Variants in MEST observed in about 807,000 individuals in gnomAD.
The protein encoded by MEST is mesoderm-specific transcript homolog protein.
In MEST, 18 loss-of-function variants were observed where a neutral mutation model predicts 50.9. The ratio of observed to expected loss-of-function variants is 0.35; its 90% confidence interval spans 0.24 to 0.52. The LOEUF is 0.52. MEST is among the 20% of genes least tolerant of loss of function. The pLI, the probability that MEST is intolerant of heterozygous loss-of-function variation, is 0.94. For missense variants in MEST, 282 were observed against 425.3 expected (o/e 0.66, Z 2.96); for synonymous variants, 130 against 154.1 (o/e 0.84, Z 1.16).
At position 130,497,447 on chromosome 7, in the gene MEST, C is replaced by T. The variant is rs570708220; in HGVS notation, c.261+212C>T. ...TGGCACAAGCCTGTAATCCCAGCTA[C>T]TTGGGAGGCTGAGGCAGGAGAATCG... is the stretch of plus-strand genomic sequence containing the variant. On this transcript the variant is annotated intron_variant, in intron 3 of 11. Transcript: ENST00000223215. The surrounding 1 kb of genome is among the most constrained non-coding windows in gnomAD (Gnocchi z 4.0). The T allele has an allele frequency of 2.5e-4, 84 of 337,392 alleles. No homozygotes were observed. In the East Asian group the frequency reaches 4.1e-3, roughly 16 times the overall value. 20.9% of individuals were successfully genotyped at this position (337,392 alleles called of 1,614,324 possible). A position where few individuals can be genotyped will look rare whatever the true frequency, so the allele number is the denominator to read the frequency against.
chr7:130,494,222 T>C (rs1386006992), intron 1 of MEST, among the ~76,000 whole-genome samples: 1 of 152,124 alleles, frequency 6.6e-6, no homozygotes, highest in Non-Finnish European at 1.5e-5. Flanking sequence ...TTACAGGCAA[T>C]AGGGAAGAAT....
At position 130,492,207 on chromosome 7, in the gene MEST, T is replaced by TGGGCTGC. The variant is rs1288372840; in HGVS notation, c.-98_-92dup. 3.0e-4 allele frequency: 294 copies of TGGGCTGC among 990,482 alleles called. No homozygotes were observed. The highest frequency in any genetic ancestry group is 6.4e-4 in the South Asian group (13 of 20,420). 61.4% of individuals were successfully genotyped at this position (990,482 alleles called of 1,614,324 possible). Reference sequence around the variant, plus strand: ...GCGCGGCGCCGCCCTGCGCGGGCTGTGGGCTGCGGGCTGCGCCCCCGCTGC... The same window carrying TGGGCTGC: ...GCGCGGCGCCGCCCTGCGCGGGCTGTGGGCTGCGGGCTGCGGGCTGCGCCCCCGCTGC... On this transcript the variant is annotated 5_prime_UTR_variant, in exon 1 of 12. Transcript: ENST00000223215. This position sits in a 1 kb window ranked among gnomAD's most constrained non-coding sequence, Gnocchi z 7.6.
chr7:130,495,424 A>T lies in MEST; in HGVS notation c.83A>T (p.Tyr28Phe), dbSNP rs782126880. The T allele has an allele frequency of 6.2e-7, 1 of 1,613,818 alleles. No individual in the cohort carries two copies. Among genetic ancestry groups the T allele is most frequent in the Non-Finnish European group, 8.5e-7 (1 of 1,179,908 alleles). Residue 28 changes from tyrosine (Y) to phenylalanine (F), a missense_variant, in exon 2 of 12, where the codon TAC becomes TTC. Physicochemically the swap from Tyr to Phe is conservative, Grantham distance 22. Coordinates refer to ENST00000223215, the MANE Select transcript of MEST (RefSeq NM_002402.4). Reference sequence around the variant, plus strand: ...CTGGCCGTGCCCCTGCTTGCTGCGTACCTGCACATCCCACCCCCTCAGCTC... The same window carrying T: ...CTGGCCGTGCCCCTGCTTGCTGCGTTCCTGCACATCCCACCCCCTCAGCTC... ...GLLAVPLLAA[Y>F]LHIPPPQLSP... is the part of the protein sequence containing the mutation.
intron 4 of MEST, 60 bp from the exon 5 acceptor site, chr7:130,498,079 C>T (rs888155589): frequency 1.2e-6 from 2 of 1,613,854 alleles, no homozygotes; most frequent in Admixed American, 3.3e-5. Context: ...GAGGGTCAGG[C>T]TGGCAGAGAG....
In MEST at chr7:130,504,933, C is replaced by A. The variant is rs1563028702; in HGVS notation, c.891-6C>A. On this transcript the variant is annotated splice_region_variant and splice_polypyrimidine_tract_variant and intron_variant, in intron 11 of 11. Coordinates refer to ENST00000223215, the MANE Select transcript of MEST (RefSeq NM_002402.4). ...AGTTCACCTGCGTGCTGTTCTCTTCCACTAGGAAAACGCTGCCGCGGTCCA... is the reference window on the plus strand; with the variant it reads ...AGTTCACCTGCGTGCTGTTCTCTTCAACTAGGAAAACGCTGCCGCGGTCCA... The A allele has an allele frequency of 8.1e-6, 13 of 1,612,104 alleles. No individual in the cohort carries two copies. The South Asian group carries it at 1.2e-4, about 15-fold the overall frequency.
At position 130,505,346 on chromosome 7, in the gene MEST, C is replaced by T. The variant is rs1166025469; in HGVS notation, c.*290C>T. ...TGATGAGCATTACTATTCACTGATGCAGAAAGACGTTCTTTTGCATAAAAG... is the reference window on the plus strand; with the variant it reads ...TGATGAGCATTACTATTCACTGATGTAGAAAGACGTTCTTTTGCATAAAAG... On this transcript the variant is annotated 3_prime_UTR_variant, in exon 12 of 12. Transcript: ENST00000223215. 3 of 219,336 alleles carry T rather than the reference C, an allele frequency of 1.4e-5. No homozygotes were observed. Among genetic ancestry groups the T allele is most frequent in the Non-Finnish European group, 2.7e-5 (3 of 110,822 alleles). 13.6% of individuals were successfully genotyped at this position (219,336 alleles called of 1,614,324 possible).
Position 130,492,412 on chromosome 7 carries a change from T to C in MEST, c.26+73T>C. On this transcript the variant is annotated intron_variant, in intron 1 of 11. Coordinates refer to ENST00000223215, the MANE Select transcript of MEST (RefSeq NM_002402.4). The surrounding 1 kb of genome is among the most constrained non-coding windows in gnomAD (Gnocchi z 7.6). ...TAGGGCGCAGGCGAGCGGAGGACTGTGTGCCCGTGTCCGAGCTGGGGCTGC... is the reference window on the plus strand; with the variant it reads ...TAGGGCGCAGGCGAGCGGAGGACTGCGTGCCCGTGTCCGAGCTGGGGCTGC... The C allele has an allele frequency of 1.7e-6, 2 of 1,195,436 alleles. No individual in the cohort carries two copies. The highest frequency in any genetic ancestry group is 4.0e-5 in the South Asian group (1 of 24,712). 74.1% of individuals were successfully genotyped at this position (1,195,436 alleles called of 1,614,324 possible). A position where few individuals can be genotyped will look rare whatever the true frequency, so the allele number is the denominator to read the frequency against.
Position 130,500,473 on chromosome 7 carries a change from T to G in MEST, c.588T>G (p.Asp196Glu). 6.2e-7 allele frequency: 1 copy of G among 1,613,768 alleles called. No individual in the cohort carries two copies. Among genetic ancestry groups the G allele is most frequent in the South Asian group, 1.1e-5 (1 of 90,926 alleles). The change falls in exon 8 of 12, where the codon GAT becomes GAG. Residue 196 changes from aspartate to glutamate, a missense_variant. Physicochemically the swap from Asp to Glu is conservative, Grantham distance 45 (BLOSUM62 2). Coordinates refer to ENST00000223215, the MANE Select transcript of MEST (RefSeq NM_002402.4). The surrounding 1 kb of genome is among the most constrained non-coding windows in gnomAD (Gnocchi z 5.0). The part of the protein sequence containing the change: ...RPLLLQKLLK[D>E]GGVLSPILTR... ...TTATTCCCCTCCAGCTACTCAAAGATGGAGGTGTGCTGTCACCCATCCTCA... is the reference window on the plus strand; with the variant it reads ...TTATTCCCCTCCAGCTACTCAAAGAGGGAGGTGTGCTGTCACCCATCCTCA...
chr7:130,488,676 A>C (rs999922377), upstream of MEST: 1 of 152,254 alleles, frequency 6.6e-6, no homozygotes, highest in Admixed American at 6.5e-5. Context: ...GTGAAGATCC[A>C]TGCTCATGGT....
In MEST at chr7:130,497,663, T is replaced by TTAAAAAAACATTAAAAAAACA; in HGVS notation, c.262-272_262-271insAAAAAAACATTAAAAAAACAT. The stretch of plus-strand genomic sequence containing the variant: ...ATTGCTTTTAAAAAAACATTAAATG[T>TTAAAAAAACATTAAAAAAACA]TGAACTGTTCCTTATTTACTGAAGG... On this transcript the variant is annotated intron_variant, in intron 3 of 11. Transcript: ENST00000223215. This position sits in a 1 kb window ranked among gnomAD's most constrained non-coding sequence, Gnocchi z 4.0. The TTAAAAAAACATTAAAAAAACA allele has an allele frequency of 2.2e-6, 1 of 458,338 alleles. No individual in the cohort carries two copies. Among genetic ancestry groups the TTAAAAAAACATTAAAAAAACA allele is most frequent in the Non-Finnish European group, 3.9e-6 (1 of 256,212 alleles). 28.4% of individuals were successfully genotyped at this position (458,338 alleles called of 1,614,324 possible).
chr7:130,499,990 C>CATAG, intron 7 of MEST, 75 bp downstream of exon 7: 1 of 1,209,482 alleles, frequency 8.3e-7, no homozygotes, highest in Non-Finnish European at 1.2e-6. Flanking sequence ...TTTTAAGGGC[C>CATAG]ATAGCTCCTG....
chr7:130,493,605 T>C (rs1315233025), intron 1 of MEST, among the ~76,000 whole-genome samples: 4 of 152,050 alleles, frequency 2.6e-5, no homozygotes, highest in Non-Finnish European at 4.4e-5. Flanking sequence ...GTGGAGTATG[T>C]TGGTCGATAG....
At chr7:130,494,828 C>G (rs1419861796) in intron 1 of MEST, 3 of 984,820 alleles carry the variant, frequency 3.0e-6, no homozygotes, top group Non-Finnish European at 3.6e-6. Flanking sequence ...TCAGGAGTAG[C>G]TCTCTGCTTG....
chr7:130,490,637 C>T (rs1798768155), upstream of MEST, among the ~76,000 whole-genome samples: 4 of 152,300 alleles, frequency 2.6e-5, no homozygotes, highest in South Asian at 8.3e-4. Context: ...CTGCCACAAA[C>T]GTCGCTAGGA....
chr7:130,498,026 T>C lies in MEST; in HGVS notation c.339+13T>C, dbSNP rs1799130596. Reference sequence around the variant, plus strand: ...CAGTGACAAACCGGTAAGCAGCACCTATGTGGGGCTGGTGATGGGGTGTGG... The same window carrying C: ...CAGTGACAAACCGGTAAGCAGCACCCATGTGGGGCTGGTGATGGGGTGTGG... On this transcript the variant is annotated intron_variant, in intron 4 of 11. Coordinates refer to ENST00000223215, the MANE Select transcript of MEST (RefSeq NM_002402.4). 4 of 1,614,054 alleles carry C rather than the reference T, an allele frequency of 2.5e-6. No individual in the cohort carries two copies. In the East Asian group the frequency reaches 8.9e-5, roughly 36 times the overall value.
rs529660617 is a variant in MEST at position 130,497,291 on chromosome 7, C to T, written c.261+56C>T. On this transcript the variant is annotated intron_variant, in intron 3 of 11. Coordinates refer to ENST00000223215, the MANE Select transcript of MEST (RefSeq NM_002402.4). The surrounding 1 kb of genome is among the most constrained non-coding windows in gnomAD (Gnocchi z 4.0). ...TGTCTTAAAAAATCTCGGCCGGGCG[C>T]GGGGGCTCAAATCCTAGCACTTTGG... The T allele has an allele frequency of 3.2e-4, 464 of 1,470,624 alleles. 5 individuals carry two copies. The Admixed American group carries it at 7.9e-3, about 25-fold the overall frequency. The allele number at this position is 1,470,624 out of a possible 1,614,324, so 91.1% of individuals were successfully genotyped here.
intron 2 of MEST, chr7:130,495,780 T>TTTTTG (rs1584943141): frequency 1.1e-5 from 3 of 278,376 alleles, no homozygotes; most frequent in South Asian, 8.0e-5. Context: ...CAATATTAGT[T>TTTTTG]TTTTTTTTTT....
chr7:130,498,354 G>T (rs553182498), intron 5 of MEST, 65 bp from the exon 6 acceptor site: 1 of 1,610,408 alleles, frequency 6.2e-7, no homozygotes, highest in Non-Finnish European at 8.5e-7. Flanking sequence ...TTTTTCTCTC[G>T]TTTTCAGCGG....
In MEST at chr7:130,498,251, T is replaced by TA; in HGVS notation, c.452_453insA (p.Val152CysfsTer32). On this transcript the variant is annotated frameshift_variant, in exon 5 of 12. Coordinates refer to ENST00000223215, the MANE Select transcript of MEST (RefSeq NM_002402.4). LOFTEE classifies it high-confidence loss of function. ...CTTCTTTCTCATGACTATGGAGATA[T>TA]TGTTGCTCAGGAGCTTCTCTACAGG... The TA allele has an allele frequency of 6.2e-7, 1 of 1,614,190 alleles. No individual in the cohort carries two copies. The highest frequency in any genetic ancestry group is 8.5e-7 in the Non-Finnish European group (1 of 1,180,022).
Sources: allele counts gnomAD v4.1 joint callset (sites outside exome capture counted in the v4.1 genomes callset), GRCh38; gene constraint gnomAD v4.1.1; non-coding constraint Gnocchi (gnomAD v3.1); transcripts MANE v1.5; gene names NCBI Gene and HGNC (gene_info 2026-07-23, HGNC 2026-07-21).